CDH13: variants seen among roughly 807,000 people sequenced by gnomAD.
The protein encoded by CDH13 is cadherin-13.
CDH13 carries 24 observed loss-of-function variants against 63.8 expected under a neutral mutation model. The observed-to-expected ratio is 0.38, with a 90% CI of 0.27 to 0.53. The LOEUF (loss-of-function observed/expected upper bound fraction) is 0.53, where lower values mean the gene tolerates loss of function less well. Ranked by LOEUF, CDH13 falls within the 20% of genes least tolerant of loss-of-function variation. The pLI, the probability that CDH13 is intolerant of heterozygous loss-of-function variation, is 0.85. For synonymous variants in CDH13, 503 were observed against 355.3 expected, an observed-to-expected ratio of 1.42 and a Z score of -4.67; for missense variants, 1,049 against 903.1, an observed-to-expected ratio of 1.16 and a Z score of -2.07.
chr16:82,860,921 C>T (rs1388225232), intron 2 of CDH13, among the ~76,000 whole-genome samples: 1 of 152,178 alleles, frequency 6.6e-6, no homozygotes, highest in Non-Finnish European at 1.5e-5. Flanking sequence ...GTCTCACTCT[C>T]CCCTCTCTCT....
chr16:83,410,197 T>G (rs2092106060), intron 6 of CDH13, among the ~76,000 whole-genome samples: 1 of 152,208 alleles, frequency 6.6e-6, no homozygotes, highest in Non-Finnish European at 1.5e-5. Context: ...TTAATGGAAT[T>G]CAGCATCTGT....
chr16:82,967,595 C>T (rs1385940986), intron 2 of CDH13, among the ~76,000 whole-genome samples: 1 of 152,204 alleles, frequency 6.6e-6, no homozygotes, highest in African/African-American at 2.4e-5. Context: ...TTCTGAAGTC[C>T]TTGAACTCAC....
At position 82,876,158 on chromosome 16, in the gene CDH13, C is replaced by T. The variant is rs555172163; in HGVS notation, c.157+17685C>T. Among the ~76,000 whole-genome samples the T allele has an allele frequency of 8.5e-5, 13 of 152,338 alleles. 1 individual carries two copies. The South Asian group carries it at 2.7e-3, about 32-fold the overall frequency. The stretch of plus-strand genomic sequence containing the variant: ...CATGACATGTAAATAGTGGGAGTTA[C>T]AATTCAAGATGAGATTTGGGTGGGG... On this transcript the variant is annotated intron_variant, in intron 2 of 13. Coordinates refer to ENST00000567109, the MANE Select transcript of CDH13 (RefSeq NM_001257.5).
chr16:82,740,455 G>C (rs2033878515), intron 1 of CDH13, among the ~76,000 whole-genome samples: 1 of 152,206 alleles, frequency 6.6e-6, no homozygotes, highest in African/African-American at 2.4e-5. Flanking sequence ...GCTGTATCTA[G>C]ATAGGGGTGG....
chr16:83,190,698 T>C (rs1287805275), intron 4 of CDH13, among the ~76,000 whole-genome samples: 4 of 152,192 alleles, frequency 2.6e-5, no homozygotes, highest in Non-Finnish European at 5.9e-5. Context: ...ATACTCTGTC[T>C]CTTGAATTGA....
At chr16:82,849,051 G>T (rs567997243) in intron 1 of CDH13, among the ~76,000 whole-genome samples, 1 of 152,136 alleles carries the variant, frequency 6.6e-6, no homozygotes, top group South Asian at 2.1e-4. Context: ...CAAACCAGCC[G>T]CAACGTTCCC....
chr16:82,937,613 C>T (rs1472752976), intron 2 of CDH13, among the ~76,000 whole-genome samples: 3 of 152,178 alleles, frequency 2.0e-5, no homozygotes, highest in Non-Finnish European at 4.4e-5. Flanking sequence ...TTATTGCAAG[C>T]CAGTTGCAAA....
intron 1 of CDH13, among the ~76,000 whole-genome samples, chr16:82,775,855 G>A (rs540383849): frequency 6.6e-6 from 1 of 152,262 alleles, no homozygotes; most frequent in African/African-American, 2.4e-5. Flanking sequence ...ACTCTGCTTA[G>A]GATGCATACT....
At chr16:83,193,715 C>T (rs1257888796) in intron 4 of CDH13, among the ~76,000 whole-genome samples, 4 of 152,190 alleles carry the variant, frequency 2.6e-5, no homozygotes, top group East Asian at 1.9e-4. Flanking sequence ...CCTTTTCTTT[C>T]TTCCTCTGCA....
intron 2 of CDH13, among the ~76,000 whole-genome samples, chr16:83,004,086 A>G (rs939342146): frequency 6.6e-6 from 1 of 152,202 alleles, no homozygotes; most frequent in African/African-American, 2.4e-5. Context: ...TTCTGATTTG[A>G]TAAGGAAATT....
In CDH13 at chr16:82,794,952, C is replaced by G. The variant is rs529547947; in HGVS notation, c.46-63410C>G. Among the ~76,000 whole-genome samples, 3 of 152,300 alleles carry G rather than the reference C, an allele frequency of 2.0e-5. No individual in the cohort carries two copies. In the South Asian group the frequency reaches 6.2e-4, roughly 32 times the overall value. ...ATGGCTGTGGGTTGGTCTACGAAAA[C>G]CATTATGCTGCATCCTCCCAGTCCT... On this transcript the variant is annotated intron_variant, in intron 1 of 13. Transcript: ENST00000567109.
At chr16:82,894,779 G>T (rs1376362315) in intron 2 of CDH13, among the ~76,000 whole-genome samples, 4 of 152,228 alleles carry the variant, frequency 2.6e-5, no homozygotes, top group Non-Finnish European at 5.9e-5. Flanking sequence ...TCCCAGCAGG[G>T]CATTTGAGGG....
chr16:83,065,560 C>T (rs1002497000), intron 3 of CDH13, among the ~76,000 whole-genome samples: 4 of 151,982 alleles, frequency 2.6e-5, no homozygotes, highest in African/African-American at 9.7e-5. Flanking sequence ...TGAAAATTAG[C>T]CAGGTGTGGT....
chr16:83,027,982 C>T (rs1035396570), intron 2 of CDH13, among the ~76,000 whole-genome samples: 2 of 152,122 alleles, frequency 1.3e-5, no homozygotes, highest in Non-Finnish European at 2.9e-5. Flanking sequence ...TGTAGGTTCT[C>T]AGTAAATATT....
chr16:83,551,470 C>T (rs2075495521), intron 7 of CDH13, among the ~76,000 whole-genome samples: 1 of 152,180 alleles, frequency 6.6e-6, no homozygotes, highest in Admixed American at 6.5e-5. Flanking sequence ...CCATGACAAC[C>T]CACCTCCTAG....
chr16:83,646,651 G>A (rs536109617), intron 8 of CDH13, among the ~76,000 whole-genome samples: 3 of 131,208 alleles, frequency 2.3e-5, no homozygotes, highest in South Asian at 2.5e-4. Flanking sequence ...GAGATCACGC[G>A]ATTGCACTCC....
At position 82,816,433 on chromosome 16, in the gene CDH13, G is replaced by A. The variant is rs182460667; in HGVS notation, c.46-41929G>A. ...TAAAATGTGTGCTGGTTTTGTGCAT[G>A]AAGATGGCAAAGGCTATGGAGAAAT... is the stretch of plus-strand genomic sequence containing the variant. On this transcript the variant is annotated intron_variant, in intron 1 of 13. Coordinates refer to ENST00000567109, the MANE Select transcript of CDH13 (RefSeq NM_001257.5). Among the ~76,000 whole-genome samples the A allele has an allele frequency of 2.2e-4, 34 of 152,292 alleles. No individual in the cohort carries two copies. The East Asian group carries it at 6.6e-3, about 29-fold the overall frequency.
intron 2 of CDH13, among the ~76,000 whole-genome samples, chr16:82,979,859 T>G (rs1023754905): frequency 6.6e-6 from 1 of 152,158 alleles, no homozygotes; most frequent in African/African-American, 2.4e-5. Context: ...GCACAGTCAT[T>G]AGAAAAAACT....
At chr16:83,477,659 G>A (rs1277908625) in intron 6 of CDH13, among the ~76,000 whole-genome samples, 1 of 152,082 alleles carries the variant, frequency 6.6e-6, no homozygotes, top group Non-Finnish European at 1.5e-5. Flanking sequence ...TGTTTCCCAT[G>A]GATGTACCAC....
Sources: gnomAD v4.1 joint callset for allele counts (sites outside exome capture counted in the v4.1 genomes callset) on GRCh38, gnomAD v4.1.1 for gene constraint, MANE v1.5 for transcripts, NCBI Gene and HGNC (gene_info 2026-07-23, HGNC 2026-07-21) for gene names.